HIVEP3: variants seen among roughly 807,000 people sequenced by gnomAD.
The protein encoded by HIVEP3 is transcription factor HIVEP3.
Under a neutral mutation model 152.8 loss-of-function variants are expected in HIVEP3, and 49 were observed. That is an observed-to-expected ratio of 0.32 (90% CI 0.26 to 0.41). HIVEP3 has a LOEUF of 0.41. Ranked by LOEUF, HIVEP3 falls within the 10% of genes least tolerant of loss-of-function variation. The probability of loss-of-function intolerance (pLI) is 1.00; values close to 1 mark genes in which losing one functional copy is unlikely to be tolerated. For missense variants in HIVEP3, 2,790 were observed against 3,103.3 expected (o/e 0.90, Z 2.40); for synonymous variants, 1,269 against 1,289.0 (o/e 0.98, Z 0.33).
chr1:41,811,480 C>G (rs1357136933), intron 1 of HIVEP3, among the ~76,000 whole-genome samples: 1 of 151,974 alleles, frequency 6.6e-6, no homozygotes, highest in Non-Finnish European at 1.5e-5. Context: ...TTTCACTATT[C>G]TAAGCATTTT....
chr1:41,682,782 G>A (rs1042319863), intron 2 of HIVEP3, among the ~76,000 whole-genome samples: 1 of 152,122 alleles, frequency 6.6e-6, no homozygotes, highest in Admixed American at 6.5e-5. Flanking sequence ...TGTGCTCTGG[G>A]GGACTCATTT....
At position 41,512,592 on chromosome 1, in the gene HIVEP3, T is replaced by C. The variant is rs139647993; in HGVS notation, c.6405+224A>G. Among the ~76,000 whole-genome samples the C allele has an allele frequency of 5.7e-3, 870 of 152,366 alleles. 8 individuals are homozygous for C. Among genetic ancestry groups the C allele is most frequent in the African/African-American group, 0.02 (828 of 41,584 alleles). ...TTCCCATGAACTCCAGAGTCCATGCTCTGTGCTTCTGAGGCTAAAATAAAG... is the reference window on the plus strand; with the variant it reads ...TTCCCATGAACTCCAGAGTCCATGCCCTGTGCTTCTGAGGCTAAAATAAAG... On this transcript the variant is annotated intron_variant, in intron 8 of 8. Transcript: ENST00000372583.
chr1:41,907,405 G>A (rs1438051877), intron 1 of HIVEP3, among the ~76,000 whole-genome samples: 1 of 152,156 alleles, frequency 6.6e-6, no homozygotes, highest in Non-Finnish European at 1.5e-5. Flanking sequence ...GGGAAAGATG[G>A]TAAAAGAGGG....
At chr1:41,753,708 A>AATAAATAAATAAAAAT (rs771116708) in intron 1 of HIVEP3, among the ~76,000 whole-genome samples, 1 of 151,122 alleles carries the variant, frequency 6.6e-6, no homozygotes, top group East Asian at 1.9e-4. Context: ...TAAATAAATA[A>AATAAATAAATAAAAAT]AAATAGAAAA....
intron 2 of HIVEP3, among the ~76,000 whole-genome samples, chr1:41,669,459 G>T (rs1482116476): frequency 6.6e-6 from 1 of 152,210 alleles, no homozygotes; most frequent in Non-Finnish European, 1.5e-5. Context: ...GTCTGTGGGG[G>T]TGTTTCTGGG....
Position 41,510,836 on chromosome 1 carries a change from T to G in HIVEP3, c.6836A>C (p.Glu2279Ala). 6.2e-7 allele frequency: 1 copy of G among 1,613,062 alleles called. No homozygotes were observed. The highest frequency in any genetic ancestry group is 2.2e-5 in the East Asian group (1 of 44,864). Reference sequence around the variant, plus strand: ...CCTGCCCGGGCCTCCGCCGGTCCTCTCCCTCTCCTTGGGGTAGTCCCCGCC... The same window carrying G: ...CCTGCCCGGGCCTCCGCCGGTCCTCGCCCTCTCCTTGGGGTAGTCCCCGCC... ...LEGGDYPKER[E>A]RTGGGPGRPP... Residue 2279 changes from glutamate (E) to alanine (A), a missense_variant, in exon 9 of 9, where the codon GAG becomes GCG. This residue lies in a region of HIVEP3 where 816 missense variants were observed against 806.5 expected (regional missense o/e 1.01). Transcript: ENST00000372583.
At chr1:41,999,727 A>C (rs1237475893) in intron 1 of HIVEP3, among the ~76,000 whole-genome samples, 1 of 152,216 alleles carries the variant, frequency 6.6e-6, no homozygotes, top group Non-Finnish European at 1.5e-5. Flanking sequence ...AGAACCTAAG[A>C]AGTCAAAGGG....
At chr1:41,665,857 A>C (rs1645788463) in intron 2 of HIVEP3, among the ~76,000 whole-genome samples, 1 of 152,094 alleles carries the variant, frequency 6.6e-6, no homozygotes, top group African/African-American at 2.4e-5. Flanking sequence ...TCTCTATGGA[A>C]TTTTGTTTCC....
chr1:41,767,734 G>A lies in HIVEP3; in HGVS notation c.-800-66739C>T, dbSNP rs371474422. ...TGCAGTTGACTTATCTGCATATAGT[G>A]CCTGTTTTATGTCAGGAACCCAGCA... On this transcript the variant is annotated intron_variant, in intron 1 of 8. Coordinates refer to ENST00000372583, the MANE Select transcript of HIVEP3 (RefSeq NM_024503.5). Among the ~76,000 whole-genome samples the A allele has an allele frequency of 5.9e-5, 9 of 152,298 alleles. No homozygotes were observed. The East Asian group carries it at 1.7e-3, about 29-fold the overall frequency.
intron 2 of HIVEP3, among the ~76,000 whole-genome samples, chr1:41,655,221 A>G (rs949082624): frequency 6.6e-6 from 1 of 151,904 alleles, no homozygotes; most frequent in African/African-American, 2.4e-5. Context: ...GTTCAGTTCT[A>G]CACTTCCTTT....
chr1:41,527,136 TCA>T (rs541934911), intron 5 of HIVEP3, among the ~76,000 whole-genome samples: 8 of 90,456 alleles, frequency 8.8e-5, no homozygotes, highest in South Asian at 4.3e-4. Flanking sequence ...ACACACACCC[TCA>T]CACACCCTCA....
intron 1 of HIVEP3, among the ~76,000 whole-genome samples, chr1:41,983,582 C>A (rs1645306043): frequency 6.6e-6 from 1 of 152,104 alleles, no homozygotes; most frequent in Non-Finnish European, 1.5e-5. Flanking sequence ...AATAAAGGTG[C>A]AGCTGGGTGG....
chr1:41,588,638 C>T (rs1400952350), intron 3 of HIVEP3, among the ~76,000 whole-genome samples: 2 of 152,048 alleles, frequency 1.3e-5, no homozygotes, highest in Non-Finnish European at 2.9e-5. Flanking sequence ...GTGGGCTGGA[C>T]ATGGTGTTTC....
chr1:41,585,781 G>A (rs1442695903), intron 3 of HIVEP3, among the ~76,000 whole-genome samples: 1 of 152,208 alleles, frequency 6.6e-6, no homozygotes, highest in Non-Finnish European at 1.5e-5. Context: ...TGACATTGGA[G>A]ATGCAGATGC....
chr1:41,839,027 G>A (rs76541375), intron 1 of HIVEP3, among the ~76,000 whole-genome samples: 18 of 152,250 alleles, frequency 1.2e-4, no homozygotes, highest in African/African-American at 4.1e-4. Context: ...GGGGGTCCAG[G>A]AATAGATCCT....
intron 1 of HIVEP3, among the ~76,000 whole-genome samples, chr1:41,750,561 GT>G (rs1476781796): frequency 6.6e-6 from 1 of 152,216 alleles, no homozygotes; most frequent in Non-Finnish European, 1.5e-5. Flanking sequence ...GCTGGACTGA[GT>G]AGCCGGGCCT....
intron 1 of HIVEP3, among the ~76,000 whole-genome samples, chr1:41,820,783 T>C (rs1457358469): frequency 1.3e-5 from 2 of 152,242 alleles, no homozygotes; most frequent in East Asian, 3.8e-4. Context: ...CGAAGGAGGA[T>C]ATTTTTATGT....
chr1:41,962,968 A>G lies in HIVEP3; in HGVS notation n.120-44444T>C, dbSNP rs1020820952. Among the ~76,000 whole-genome samples the G allele has an allele frequency of 7.2e-5, 11 of 151,870 alleles. No homozygotes were observed. The East Asian group carries it at 2.1e-3, about 29-fold the overall frequency. On this transcript the variant is annotated intron_variant and non_coding_transcript_variant, in intron 1 of 3. Coordinates refer to the HIVEP3 transcript ENST00000489103. ...CGTCTACTAACTAGATGCCAGTAAC[A>G]CCTTCTCCTCACCTGCAGATATCAA...
intron 1 of HIVEP3, among the ~76,000 whole-genome samples, chr1:41,853,325 T>G (rs551937766): frequency 7.4e-4 from 113 of 152,328 alleles, no homozygotes; most frequent in African/African-American, 2.6e-3. Flanking sequence ...GAAAGAGGTT[T>G]AATTGACTCG....
Sources: gnomAD v4.1 joint callset for allele counts (sites outside exome capture counted in the v4.1 genomes callset) on GRCh38, gnomAD v4.1.1 for gene constraint, gnomAD v4.1.1 regional missense constraint, MANE v1.5 for transcripts, NCBI Gene and HGNC (gene_info 2026-07-23, HGNC 2026-07-21) for gene names.